Variants in TP53TG5 observed in about 807,000 individuals in gnomAD.
TP53TG5 encodes TP53-target gene 5 protein.
In TP53TG5, 17 loss-of-function variants were observed where a neutral mutation model predicts 30.0. The ratio of observed to expected loss-of-function variants is 0.57; its 90% CI spans 0.39 to 0.85. TP53TG5 has a LOEUF of 0.85. Ranked by LOEUF, TP53TG5 falls within the 40% of genes least tolerant of loss-of-function variation. TP53TG5 has a pLI of 0.00. For missense variants in TP53TG5, 338 were observed against 367.9 expected (o/e 0.92, Z 0.67); for synonymous variants, 137 against 139.2 (o/e 0.98, Z 0.11).
Position 45,373,791 on chromosome 20 carries a change from A to C in TP53TG5, c.*116T>G. 1 of 971,334 alleles carries C rather than the reference A, an allele frequency of 1.0e-6. No individual in the cohort carries two copies. Among genetic ancestry groups the C allele is most frequent in the Non-Finnish European group, 1.6e-6 (1 of 625,778 alleles). 60.2% of individuals were successfully genotyped at this position (971,334 alleles called of 1,614,324 possible). A position where few individuals can be genotyped will look rare whatever the true frequency, so the allele number is the denominator to read the frequency against. On this transcript the variant is annotated 3_prime_UTR_variant, in exon 5 of 5. Coordinates refer to ENST00000372726, the MANE Select transcript of TP53TG5 (RefSeq NM_014477.3). ...GGGGCCTCGGGGTGGGGGTGGGGGA[A>C]GCCTGAAGTCGCGACACAGGCTCCC...
Position 45,375,548 on chromosome 20 carries a change from T to C in TP53TG5, c.259A>G (p.Asn87Asp). The C allele has an allele frequency of 6.2e-7, 1 of 1,604,854 alleles. No individual in the cohort carries two copies. The highest frequency in any genetic ancestry group is 1.1e-5 in the South Asian group (1 of 90,608). Reference protein sequence around the residue: ...PKILRISSGENSACNKTKQNN... With the variant: ...PKILRISSGEDSACNKTKQNN... ...TGTTTTGTTTTATTGCAGGCACTGT[T>C]TTCCCTGGCAGGGAGAGGAAAGGCA... The change falls in exon 4 of 5, where the codon AAC becomes GAC. Residue 87 changes from asparagine (N) to aspartate (D), a missense_variant. Coordinates refer to ENST00000372726, the MANE Select transcript of TP53TG5 (RefSeq NM_014477.3).
Position 45,375,178 on chromosome 20 carries a change from C to G in TP53TG5, c.629G>C (p.Trp210Ser), listed in dbSNP as rs1467168800. The change falls in exon 4 of 5, where the codon TGG becomes TCG. Residue 210 changes from tryptophan to serine, a missense_variant. By Grantham distance (177) the Trp-to-Ser change is radical (BLOSUM62 -3). Coordinates refer to ENST00000372726, the MANE Select transcript of TP53TG5 (RefSeq NM_014477.3). ...KQLDVADQWI[W>S]FEGLPTRIHL... is the part of the protein sequence containing the mutation. ...GATTCGTGTGGGCAGCCCCTCAAAC[C>G]AGATCCACTGGTCGGCTACATCCAG... 6.2e-7 allele frequency: 1 copy of G among 1,614,084 alleles called. No homozygotes were observed. Among genetic ancestry groups the G allele is most frequent in the Non-Finnish European group, 8.5e-7 (1 of 1,180,050 alleles).
intron 3 of TP53TG5, chr20:45,376,306 G>C (rs1258522050): frequency 6.6e-6 from 1 of 152,300 alleles, no homozygotes; most frequent in African/African-American, 2.4e-5. Context: ...AGCCAAGGGC[G>C]TGGAGAGAGA....
intron 4 of TP53TG5, chr20:45,374,392 C>T (rs1988657898): frequency 6.4e-6 from 4 of 620,636 alleles, no homozygotes; most frequent in Middle Eastern, 4.2e-4. Flanking sequence ...CGACCTCAGC[C>T]TCCTGAGTAG....
At position 45,375,292 on chromosome 20, in the gene TP53TG5, A is replaced by G. The variant is rs2231619; in HGVS notation, c.515T>C (p.Val172Ala). 1,355 of 1,613,698 alleles carry G rather than the reference A, an allele frequency of 8.4e-4. 9 individuals carry two copies. The African/African-American group carries it at 0.016, about 19-fold the overall frequency. ...CTCGGTGAGTGGTTGCCTCCCCTGGACTCCAGGGTTCAAGCTATCATCCCT... is the reference window on the plus strand; with the variant it reads ...CTCGGTGAGTGGTTGCCTCCCCTGGGCTCCAGGGTTCAAGCTATCATCCCT... ...TSRDDSLNPG[V>A]QGRQPLTEGP... is the part of the protein sequence containing the mutation. The change falls in exon 4 of 5, where the codon GTC becomes GCC. Residue 172 changes from valine to alanine, a missense_variant. Transcript: ENST00000372726.
At chr20:45,376,548 A>G (rs1988740108) in intron 3 of TP53TG5, 1 of 152,244 alleles carries the variant, frequency 6.6e-6, no homozygotes, top group Non-Finnish European at 1.5e-5. Flanking sequence ...TGGGCAAGAT[A>G]TTTAACCTCT....
In TP53TG5 at chr20:45,377,325, C is replaced by T. The variant is rs371140460; in HGVS notation, c.141G>A (p.Ser47=). 10 of 1,613,958 alleles carry T rather than the reference C, an allele frequency of 6.2e-6. No homozygotes were observed. In the African/African-American group the frequency reaches 8.0e-5, roughly 13 times the overall value. The change falls in exon 3 of 5, where the codon TCG becomes TCA. Residue 47 remains serine (S), a synonymous_variant. Coordinates refer to ENST00000372726, the MANE Select transcript of TP53TG5 (RefSeq NM_014477.3). ...TTGAGCTCTTGAGTAGCTTCAAGAGCGACAAGTTTTTTAACACCTGCCAGG... is the reference window on the plus strand; with the variant it reads ...TTGAGCTCTTGAGTAGCTTCAAGAGTGACAAGTTTTTTAACACCTGCCAGG... The part of the protein sequence containing the change: ...NRLRTVLKNL[S]LLKLLKSSNR...
chr20:45,375,362 G>A lies in TP53TG5; in HGVS notation c.445C>T (p.Pro149Ser), dbSNP rs1211981448. ...GGCTCTATATGCTTTTCTTTCCGTG[G>A]CATTGCCGCCAATGACGTTTTCTCC... ...NKEKTSLAAMPRKEKHIEPEV... is the reference protein window; with the variant it reads ...NKEKTSLAAMSRKEKHIEPEV... The change falls in exon 4 of 5, where the codon CCA becomes TCA. Residue 149 changes from proline to serine, a missense_variant. By Grantham distance (74) the Pro-to-Ser change is moderately conservative. Coordinates refer to ENST00000372726, the MANE Select transcript of TP53TG5 (RefSeq NM_014477.3). 11 of 1,614,000 alleles carry A rather than the reference G, an allele frequency of 6.8e-6. No homozygotes were observed. The East Asian group carries it at 2.2e-4, about 33-fold the overall frequency.
chr20:45,378,042 G>T, intron 1 of TP53TG5, 147 bp downstream of exon 1: 1 of 1,115,992 alleles, frequency 9.0e-7, no homozygotes, highest in Non-Finnish European at 1.3e-6. Flanking sequence ...GACAGAACTG[G>T]GAGACCATTT....
rs764527369 is a variant in TP53TG5, at chr20:45,375,192, G to A, written c.615C>T (p.Ala205=). 1.2e-5 allele frequency: 20 copies of A among 1,614,154 alleles called. No homozygotes were observed. The highest frequency in any genetic ancestry group is 3.3e-4 in the Middle Eastern group (2 of 6,062). ...PMGHMKQLDV[A]DQWIWFEGLP... ...GCCCCTCAAACCAGATCCACTGGTC[G>A]GCTACATCCAGCTGCTTCATGTGCC... is the stretch of plus-strand genomic sequence containing the variant. Residue 205 remains alanine (A), a synonymous_variant, in exon 4 of 5, where the codon GCC becomes GCT. Transcript: ENST00000372726.
At chr20:45,374,940 C>A in intron 4 of TP53TG5, 99 bp downstream of exon 4, 1 of 1,503,128 alleles carries the variant, frequency 6.7e-7, no homozygotes, top group Non-Finnish European at 9.0e-7. Flanking sequence ...ACACACCACT[C>A]AAGACTCCAG....
At position 45,375,108 on chromosome 20, in the gene TP53TG5, A is replaced by G. The variant is rs779451310; in HGVS notation, c.699T>C (p.Arg233=). The change falls in exon 4 of 5, where the codon CGT becomes CGC. Residue 233 remains arginine (R), a synonymous_variant. Transcript: ENST00000372726. Reference sequence around the variant, plus strand: ...AGCGGGTGCAGCGGCGCTTGACCCAACGCAGGGTGGAGGATCTGCACATCA... The same window carrying G: ...AGCGGGTGCAGCGGCGCTTGACCCAGCGCAGGGTGGAGGATCTGCACATCA... ...PRVMCRSSTL[R]WVKRRCTRFC... 5.0e-6 allele frequency: 8 copies of G among 1,613,922 alleles called. No individual in the cohort carries two copies. Among genetic ancestry groups the G allele is most frequent in the Admixed American group, 1.7e-5 (1 of 60,006 alleles).
chr20:45,375,240 G>A lies in TP53TG5; in HGVS notation c.567C>T (p.Pro189=), dbSNP rs772134358. The change falls in exon 4 of 5, where the codon CCC becomes CCT. Residue 189 remains proline (P), a synonymous_variant. Coordinates refer to ENST00000372726, the MANE Select transcript of TP53TG5 (RefSeq NM_014477.3). ...TEGPRVIFIK[P]YRNRTPMGHM... is the part of the protein sequence containing the mutation. ...GCCCCATGGGAGTTCTATTGCGGTA[G>A]GGCTTAATGAAGATGACTCGGGGGC... The A allele has an allele frequency of 1.9e-6, 3 of 1,614,216 alleles. No individual in the cohort carries two copies. Among genetic ancestry groups the A allele is most frequent in the South Asian group, 2.2e-5 (2 of 91,088 alleles).
Position 45,375,539 on chromosome 20 carries a change from A to C in TP53TG5, c.268T>G (p.Cys90Gly), listed in dbSNP as rs1319832049. 2 of 1,607,570 alleles carry C rather than the reference A, an allele frequency of 1.2e-6. No homozygotes were observed. Among genetic ancestry groups the C allele is most frequent in the Non-Finnish European group, 1.7e-6 (2 of 1,179,316 alleles). ...LRISSGENSA[C>G]NKTKQNNEEF... ...TCATTATTTTGTTTTGTTTTATTGCAGGCACTGTTTTCCCTGGCAGGGAGA... is the reference window on the plus strand; with the variant it reads ...TCATTATTTTGTTTTGTTTTATTGCCGGCACTGTTTTCCCTGGCAGGGAGA... The change falls in exon 4 of 5, where the codon TGC becomes GGC. Residue 90 changes from cysteine to glycine, a missense_variant. Physicochemically the swap from Cys to Gly is radical, Grantham distance 159. Transcript: ENST00000372726.
chr20:45,373,767 G>T lies in TP53TG5; in HGVS notation c.*140C>A. ...TTCTTTGGTTCTAGACTGACCTTAG[G>T]GGCCTCGGGGTGGGGGTGGGGGAAG... On this transcript the variant is annotated 3_prime_UTR_variant, in exon 5 of 5. Transcript: ENST00000372726. 2.6e-6 allele frequency: 2 copies of T among 758,352 alleles called. No individual in the cohort carries two copies. The highest frequency in any genetic ancestry group is 4.4e-6 in the Non-Finnish European group (2 of 451,032). The allele number at this position is 758,352 out of a possible 1,614,324, so 47.0% of individuals were successfully genotyped here. A position where few individuals can be genotyped will look rare whatever the true frequency, so the allele number is the denominator to read the frequency against.
At position 45,377,577 on chromosome 20, in the gene TP53TG5, G is replaced by C. The variant is rs149113212; in HGVS notation, c.85C>G (p.Pro29Ala). 1.1e-5 allele frequency: 18 copies of C among 1,614,146 alleles called. No individual in the cohort carries two copies. The highest frequency in any genetic ancestry group is 1.6e-4 in the Middle Eastern group (1 of 6,062). Reference sequence around the variant, plus strand: ...TTCCGCTCAATTACTTTGCTCACAGGCTGCTCTGTCTCGTCCCGCAGTTTC... The same window carrying C: ...TTCCGCTCAATTACTTTGCTCACAGCCTGCTCTGTCTCGTCCCGCAGTTTC... The part of the protein sequence containing the change: ...DEKLRDETEQ[P>A]VSKVIERNRL... The change falls in exon 2 of 5, where the codon CCT becomes GCT. Residue 29 changes from proline (P) to alanine (A), a missense_variant. Pro to Ala is a conservative substitution (Grantham distance 27). Transcript: ENST00000372726.
Position 45,375,303 on chromosome 20 carries a change from C to T in TP53TG5, c.504G>A (p.Leu168=). ...EVPRTSRDDS[L]NPGVQGRQPL... is the part of the protein sequence containing the mutation. ...GTTGCCTCCCCTGGACTCCAGGGTT[C>T]AAGCTATCATCCCTCGATGTCCTTG... Residue 168 remains leucine, a synonymous_variant, in exon 4 of 5, where the codon TTG becomes TTA. Coordinates refer to ENST00000372726, the MANE Select transcript of TP53TG5 (RefSeq NM_014477.3). 1 of 1,614,186 alleles carries T rather than the reference C, an allele frequency of 6.2e-7. No individual in the cohort carries two copies. Among genetic ancestry groups the T allele is most frequent in the Non-Finnish European group, 8.5e-7 (1 of 1,180,040 alleles).
intron 3 of TP53TG5, chr20:45,376,761 T>TA (rs11086962): frequency 0.5 from 74,869 of 150,410 alleles, 21,135 homozygotes; most frequent in Middle Eastern, 0.66. Flanking sequence ...GGAGGCATGG[T>TA]AAAAAAAAAT....
At chr20:45,374,403 C>T (rs1412619502) in intron 4 of TP53TG5, 6 of 607,484 alleles carry the variant, frequency 9.9e-6, no homozygotes, top group Non-Finnish European at 1.7e-5. Flanking sequence ...TCCTGAGTAG[C>T]TGATACTACA....
Sources: gnomAD v4.1 joint callset for allele counts on GRCh38, gnomAD v4.1.1 for gene constraint, MANE v1.5 for transcripts, NCBI Gene and HGNC (gene_info 2026-07-23, HGNC 2026-07-21) for gene names.